The following DNAH14 variants were observed in gnomAD, a reference collection of about 807,000 sequenced individuals.
The protein encoded by DNAH14 is dynein axonemal heavy chain 14, also known as axonemal beta dynein heavy chain 14.
A neutral mutation model predicts 520.9 loss-of-function variants in DNAH14; 478 were observed. The ratio of observed to expected loss-of-function variants is 0.92; its 90% CI spans 0.85 to 0.99. The LOEUF (loss-of-function observed/expected upper bound fraction) is 0.99. Ranked by LOEUF, DNAH14 falls within the 50% of genes least tolerant of loss-of-function variation. The pLI is 0.00. For synonymous variants in DNAH14, 1,581 were observed against 1,757.2 expected, an observed-to-expected ratio of 0.90 and a Z score of 2.51; for missense variants, 4,831 against 5,234.5, an observed-to-expected ratio of 0.92 and a Z score of 2.38.
At chr1:224,956,928 A>G (rs1456841210) in intron 3 of DNAH14, among the ~76,000 whole-genome samples, 1 of 152,162 alleles carries the variant, frequency 6.6e-6, no homozygotes, top group Non-Finnish European at 1.5e-5. Context: ...GGAAAGAAAT[A>G]TAAGGCTAGA....
rs79269643 is a variant in DNAH14 at position 225,391,882 on chromosome 1, A to G, written c.13331-409A>G. ...CAGAGCCTTCCTTTTCTCAGTGTCC[A>G]TATGTCATTTCTTGAGGAAGACTCT... On this transcript the variant is annotated intron_variant, in intron 83 of 85. Transcript: ENST00000682510. Among the ~76,000 whole-genome samples, 418 of 152,214 alleles carry G rather than the reference A, an allele frequency of 2.7e-3. 1 individual carries two copies. The highest frequency in any genetic ancestry group is 9.7e-3 in the African/African-American group (404 of 41,540).
At chr1:225,333,133 A>T (rs960417092) in intron 65 of DNAH14, among the ~76,000 whole-genome samples, 158 bp from the exon 66 acceptor site, 10 of 152,188 alleles carry the variant, frequency 6.6e-5, no homozygotes, top group African/African-American at 2.4e-4. Context: ...AAAACAGTTT[A>T]TTTTTCAATA....
chr1:225,374,574 T>G, intron 77 of DNAH14, 114 bp from the exon 78 acceptor site: 1 of 1,038,036 alleles, frequency 9.6e-7, no homozygotes, highest in Non-Finnish European at 1.3e-6. Context: ...TTCTATATAT[T>G]TTTTAAAGAG....
chr1:225,204,401 T>C, intron 39 of DNAH14, 128 bp downstream of exon 39: 2 of 530,356 alleles, frequency 3.8e-6, no homozygotes, highest in South Asian at 3.2e-5. Flanking sequence ...CATTTATTTG[T>C]TCGTATGTTT....
chr1:225,395,547 G>C (rs1359108131), intron 84 of DNAH14, among the ~76,000 whole-genome samples: 1 of 149,620 alleles, frequency 6.7e-6, no homozygotes, highest in Non-Finnish European at 1.5e-5. Flanking sequence ...AGCAGAGATC[G>C]CGCCACTGCG....
At chr1:225,363,265 C>T (rs2095513864) in intron 75 of DNAH14, among the ~76,000 whole-genome samples, 1 of 152,102 alleles carries the variant, frequency 6.6e-6, no homozygotes, top group Admixed American at 6.5e-5. Context: ...ATTATTTACT[C>T]ATGTTTAGTT....
At position 225,215,066 on chromosome 1, in the gene DNAH14, C is replaced by T. The variant is rs370947273; in HGVS notation, c.6439+7846C>T. ...ATTTAGTACTATAAATTTCCCTCTA[C>T]ACACTGCTTTAAATGTGTTCCAGAG... On this transcript the variant is annotated intron_variant, in intron 41 of 85. Coordinates refer to ENST00000682510, the MANE Select transcript of DNAH14 (RefSeq NM_001367479.1). 9.8e-5 allele frequency among the ~76,000 whole-genome samples: 15 copies of T among 152,318 alleles called. No individual in the cohort carries two copies. In the South Asian group the frequency reaches 3.1e-3, roughly 32 times the overall value.
chr1:225,384,690 T>A (rs2095819875), intron 81 of DNAH14, among the ~76,000 whole-genome samples: 1 of 152,062 alleles, frequency 6.6e-6, no homozygotes, highest in Admixed American at 6.6e-5. Context: ...AGAAGTTAAA[T>A]CCCTGAATAG....
intron 61 of DNAH14, among the ~76,000 whole-genome samples, chr1:225,319,184 G>T (rs2094517558): frequency 6.6e-6 from 1 of 152,192 alleles, no homozygotes; most frequent in Admixed American, 6.5e-5. Flanking sequence ...AGTGCGGGAA[G>T]TGCTTCCCCT....
intron 17 of DNAH14, among the ~76,000 whole-genome samples, chr1:225,073,240 G>C (rs976200288): frequency 6.6e-6 from 1 of 152,128 alleles, no homozygotes; most frequent in Admixed American, 6.5e-5. Flanking sequence ...GTGCTGTGCT[G>C]GGGTACCACT....
intron 22 of DNAH14, among the ~76,000 whole-genome samples, chr1:225,100,238 G>C (rs112136070): frequency 0.042 from 6,350 of 152,142 alleles, 216 homozygotes; most frequent in Non-Finnish European, 0.061. Flanking sequence ...TAGAACTTCA[G>C]TGTTTTTATA....
intron 17 of DNAH14, among the ~76,000 whole-genome samples, chr1:225,062,712 A>G (rs543759811): frequency 6.6e-6 from 1 of 152,316 alleles, no homozygotes; most frequent in East Asian, 1.9e-4. Context: ...GGTCTCAACA[A>G]TTATACAAGG....
At chr1:225,092,063 G>A (rs1558929415) in intron 21 of DNAH14, among the ~76,000 whole-genome samples, 2 of 152,110 alleles carry the variant, frequency 1.3e-5, no homozygotes, top group Non-Finnish European at 2.9e-5. Flanking sequence ...GGAGCACCCA[G>A]ATTTATAAAG....
chr1:225,335,023 T>C (rs1239430108), intron 66 of DNAH14, among the ~76,000 whole-genome samples: 1 of 149,102 alleles, frequency 6.7e-6, no homozygotes, highest in Admixed American at 6.7e-5. Context: ...TATATGTATA[T>C]ATACATACAT....
intron 30 of DNAH14, among the ~76,000 whole-genome samples, chr1:225,145,835 G>T (rs1474432674): frequency 1.3e-5 from 2 of 152,090 alleles, no homozygotes; most frequent in African/African-American, 4.8e-5. Context: ...TGTCAGTCTT[G>T]TTTCGTTTGC....
chr1:225,036,911 G>T (rs955112820), intron 11 of DNAH14, among the ~76,000 whole-genome samples: 1 of 152,016 alleles, frequency 6.6e-6, no homozygotes, highest in African/African-American at 2.4e-5. Context: ...CTCCAGTGTT[G>T]GGTACATGTA....
chr1:225,193,715 G>A (rs896742696), intron 38 of DNAH14, among the ~76,000 whole-genome samples: 2 of 152,096 alleles, frequency 1.3e-5, no homozygotes, highest in African/African-American at 4.8e-5. Flanking sequence ...TCAGGCAATA[G>A]AAGGAAATAA....
chr1:225,384,323 T>A (rs888001052), intron 81 of DNAH14, among the ~76,000 whole-genome samples: 1 of 152,174 alleles, frequency 6.6e-6, no homozygotes, highest in South Asian at 2.1e-4. Flanking sequence ...ATCTGTCTAA[T>A]GTTGACAGTG....
intron 66 of DNAH14, among the ~76,000 whole-genome samples, chr1:225,335,290 CAT>C (rs2094921163): frequency 1.0e-5 from 1 of 97,240 alleles, no homozygotes; most frequent in Non-Finnish European, 2.2e-5. Flanking sequence ...TGTATATGCA[CAT>C]ATACACATGT....
Sources: allele counts gnomAD v4.1 joint callset (sites outside exome capture counted in the v4.1 genomes callset), GRCh38; gene constraint gnomAD v4.1.1; transcripts MANE v1.5; gene names NCBI Gene and HGNC (gene_info 2026-07-23, HGNC 2026-07-21).